AGBL4: variants seen among roughly 807,000 people sequenced by gnomAD.
AGBL4 encodes the protein cytosolic carboxypeptidase 6.
A neutral mutation model predicts 66.4 loss-of-function variants in AGBL4; 58 were observed. The ratio of observed to expected loss-of-function variants is 0.87; its 90% CI spans 0.71 to 1.09. AGBL4 has a LOEUF of 1.09. Ranked by LOEUF, AGBL4 falls within the 50% of genes least tolerant of loss-of-function variation. AGBL4 has a pLI of 0.00. For missense variants in AGBL4, 579 were observed against 631.0 expected, an observed-to-expected ratio of 0.92 and a Z score of 0.88; for synonymous variants, 234 against 222.9, an observed-to-expected ratio of 1.05 and a Z score of -0.44.
At chr1:49,965,288 T>C (rs1398160754) in intron 1 of AGBL4, among the ~76,000 whole-genome samples, 5 of 152,158 alleles carry the variant, frequency 3.3e-5, no homozygotes, top group Non-Finnish European at 5.9e-5. Context: ...AAGACTACAA[T>C]GCTTTATCTT....
At chr1:49,033,438 C>G (rs1465188762) in intron 5 of AGBL4, among the ~76,000 whole-genome samples, 1 of 152,056 alleles carries the variant, frequency 6.6e-6, no homozygotes, top group Non-Finnish European at 1.5e-5. Flanking sequence ...GCAACTATAT[C>G]AAGGCGGAAA....
chr1:49,663,063 G>T (rs1055154862), intron 3 of AGBL4, among the ~76,000 whole-genome samples: 1 of 152,076 alleles, frequency 6.6e-6, no homozygotes, highest in Non-Finnish European at 1.5e-5. Context: ...GCTTGTGAAA[G>T]AAAGTGGCAA....
intron 1 of AGBL4, among the ~76,000 whole-genome samples, chr1:49,881,042 G>A (rs1486874695): frequency 6.6e-6 from 1 of 152,094 alleles, no homozygotes; most frequent in African/African-American, 2.4e-5. Context: ...CGCACCCACT[G>A]GCCTGCGCCC....
At chr1:49,824,345 A>G (rs534752113) in intron 2 of AGBL4, among the ~76,000 whole-genome samples, 1 of 152,360 alleles carries the variant, frequency 6.6e-6, no homozygotes, top group Non-Finnish European at 1.5e-5. Context: ...GGGTTATACA[A>G]GCAACCTCTG....
chr1:49,575,951 A>G (rs1349957276), intron 3 of AGBL4, among the ~76,000 whole-genome samples: 1 of 152,184 alleles, frequency 6.6e-6, no homozygotes, highest in Non-Finnish European at 1.5e-5. Context: ...TGCTGACTGG[A>G]TCTAGTGAGC....
intron 4 of AGBL4, among the ~76,000 whole-genome samples, chr1:49,123,988 T>A (rs1341143465): frequency 6.6e-6 from 1 of 152,192 alleles, no homozygotes; most frequent in Non-Finnish European, 1.5e-5. Context: ...ATAGAAGATG[T>A]ACTGATAGAA....
chr1:49,934,945 C>T (rs921107571), intron 1 of AGBL4, among the ~76,000 whole-genome samples: 2 of 152,180 alleles, frequency 1.3e-5, no homozygotes, highest in East Asian at 1.9e-4. Flanking sequence ...TCTGAGGCAC[C>T]GGGTTCATCT....
At chr1:49,511,631 T>C (rs1649269855) in intron 3 of AGBL4, among the ~76,000 whole-genome samples, 1 of 151,608 alleles carries the variant, frequency 6.6e-6, no homozygotes, top group Non-Finnish European at 1.5e-5. Flanking sequence ...TTTAAAAAAA[T>C]TGAAGCTCCT....
chr1:48,727,212 T>C (rs949518443), intron 6 of AGBL4, among the ~76,000 whole-genome samples: 4 of 152,194 alleles, frequency 2.6e-5, no homozygotes, highest in African/African-American at 9.7e-5. Flanking sequence ...CCTATACTCA[T>C]CTAACATTAT....
chr1:49,094,206 T>C (rs1645050400), intron 4 of AGBL4, among the ~76,000 whole-genome samples: 1 of 152,094 alleles, frequency 6.6e-6, no homozygotes. Context: ...GGGCAGTAGG[T>C]TGAATACTAC....
At chr1:48,683,308 ACTT>A (rs1646482975) in intron 6 of AGBL4, among the ~76,000 whole-genome samples, 1 of 152,220 alleles carries the variant, frequency 6.6e-6, no homozygotes, top group South Asian at 2.1e-4. Flanking sequence ...GAGAAACTCT[ACTT>A]CTTTCCATTC....
chr1:49,238,163 C>T (rs567257968), intron 4 of AGBL4, among the ~76,000 whole-genome samples: 11 of 152,176 alleles, frequency 7.2e-5, no homozygotes, highest in South Asian at 2.1e-4. Context: ...TGACATTTCT[C>T]GGCATGGATT....
intron 3 of AGBL4, among the ~76,000 whole-genome samples, chr1:49,510,943 ATC>A (rs1467683180): frequency 2.0e-5 from 3 of 150,880 alleles, no homozygotes; most frequent in African/African-American, 7.3e-5. Context: ...ATTGATCTAT[ATC>A]TCTGTTTTGG....
rs547713549 is a variant in AGBL4, at chr1:49,194,045, C to T, written c.377+51725G>A. On this transcript the variant is annotated intron_variant, in intron 4 of 13. Transcript: ENST00000371839. Reference sequence around the variant, plus strand: ...CTGTTAGGTCCATTTGGTCTAAAGTCCATTTTTTGTCCATGTTTCTTTGTT... The same window carrying T: ...CTGTTAGGTCCATTTGGTCTAAAGTTCATTTTTTGTCCATGTTTCTTTGTT... Among the ~76,000 whole-genome samples, 234 of 152,134 alleles carry T rather than the reference C, an allele frequency of 1.5e-3. 4 individuals are homozygous for T. Among genetic ancestry groups the T allele is most frequent in the African/African-American group, 5.5e-3 (227 of 41,518 alleles).
At chr1:49,869,738 A>C (rs1646793698) in intron 1 of AGBL4, among the ~76,000 whole-genome samples, 1 of 152,182 alleles carries the variant, frequency 6.6e-6, no homozygotes, top group Admixed American at 6.6e-5. Context: ...CTTCACATGT[A>C]TCTTGGAACT....
chr1:49,875,030 G>C (rs576197886), intron 1 of AGBL4, among the ~76,000 whole-genome samples: 9 of 136,198 alleles, frequency 6.6e-5, no homozygotes, highest in Non-Finnish European at 1.4e-4. Flanking sequence ...CTGTGTCCAT[G>C]TATTCTCATT....
chr1:49,891,703 G>A (rs2148168146), intron 1 of AGBL4, among the ~76,000 whole-genome samples: 1 of 152,306 alleles, frequency 6.6e-6, no homozygotes, highest in Admixed American at 6.5e-5. Context: ...GCAGAAAGAT[G>A]TATCAGGGTG....
chr1:48,947,643 T>C (rs1330134923), intron 5 of AGBL4, among the ~76,000 whole-genome samples: 2 of 152,186 alleles, frequency 1.3e-5, no homozygotes, highest in Non-Finnish European at 2.9e-5. Flanking sequence ...TCAACCTAAA[T>C]TTCTCACTGC....
chr1:48,650,456 TC>T (rs1645909605), intron 8 of AGBL4, among the ~76,000 whole-genome samples: 2 of 139,676 alleles, frequency 1.4e-5, no homozygotes, highest in Non-Finnish European at 1.5e-5. Flanking sequence ...CTTCCTTCCT[TC>T]CTTCCTTCCT....
Sources: gnomAD v4.1 joint callset for allele counts (sites outside exome capture counted in the v4.1 genomes callset) on GRCh38, gnomAD v4.1.1 for gene constraint, MANE v1.5 for transcripts, NCBI Gene and HGNC (gene_info 2026-07-23, HGNC 2026-07-21) for gene names.